SMYD3: variants seen among roughly 807,000 people sequenced by gnomAD.
SMYD3 encodes histone-lysine N-methyltransferase SMYD3.
SMYD3 carries 36 observed loss-of-function variants against 57.7 expected under a neutral mutation model. That is an observed-to-expected ratio of 0.62 (90% CI 0.48 to 0.82). SMYD3 has a LOEUF of 0.82. SMYD3 is among the 40% of genes least tolerant of loss of function. The pLI, the probability that SMYD3 is intolerant of heterozygous loss-of-function variation, is 0.00. For synonymous variants in SMYD3, 211 were observed against 195.0 expected, an observed-to-expected ratio of 1.08 and a Z score of -0.68; for missense variants, 515 against 538.8, an observed-to-expected ratio of 0.96 and a Z score of 0.44.
At chr1:246,292,541 G>A (rs2064716163) in intron 5 of SMYD3, among the ~76,000 whole-genome samples, 1 of 152,146 alleles carries the variant, frequency 6.6e-6, no homozygotes, top group Non-Finnish European at 1.5e-5. Flanking sequence ...TCACTGTCAA[G>A]TATTAAAGCA....
rs180912851 is a variant in SMYD3 at position 245,911,324 on chromosome 1, C to G, written c.813+4206G>C. On this transcript the variant is annotated intron_variant, in intron 8 of 11. Transcript: ENST00000490107. The stretch of plus-strand genomic sequence containing the variant: ...AGTAAGGAGGTTCCTCAAGAAACTA[C>G]AAACGCAACTACCATATAACCAAAC... 4.7e-3 allele frequency among the ~76,000 whole-genome samples: 718 copies of G among 152,068 alleles called. 6 individuals are homozygous for G. Among genetic ancestry groups the G allele is most frequent in the African/African-American group, 0.015 (638 of 41,514 alleles).
At chr1:246,488,566 G>C (rs2068222786) in intron 1 of SMYD3, among the ~76,000 whole-genome samples, 1 of 152,200 alleles carries the variant, frequency 6.6e-6, no homozygotes, top group African/African-American at 2.4e-5. Flanking sequence ...CATGCCTATA[G>C]TCTCAGGTAC....
intron 1 of SMYD3, among the ~76,000 whole-genome samples, chr1:246,442,964 A>T (rs78380050): frequency 0.087 from 13,279 of 152,194 alleles, 852 homozygotes; most frequent in East Asian, 0.29. Context: ...CTTCCCTTAC[A>T]GTGCACCAGG....
chr1:245,834,016 C>T (rs547168059), intron 10 of SMYD3, among the ~76,000 whole-genome samples: 2 of 152,350 alleles, frequency 1.3e-5, no homozygotes, highest in South Asian at 2.1e-4. Context: ...GGACATCCTG[C>T]AGTAACCTTA....
intron 8 of SMYD3, among the ~76,000 whole-genome samples, chr1:245,892,952 AG>A (rs1179583529): frequency 6.6e-6 from 1 of 152,236 alleles, no homozygotes; most frequent in Non-Finnish European, 1.5e-5. Context: ...CTGCAAACTG[AG>A]GAAAAAAACA....
At chr1:246,232,073 G>A (rs2063415898) in intron 5 of SMYD3, among the ~76,000 whole-genome samples, 1 of 152,138 alleles carries the variant, frequency 6.6e-6, no homozygotes. Flanking sequence ...AAAAGCCATA[G>A]TTTTTAATGC....
At chr1:246,278,110 C>A (rs1264319185) in intron 5 of SMYD3, among the ~76,000 whole-genome samples, 1 of 152,070 alleles carries the variant, frequency 6.6e-6, no homozygotes, top group Non-Finnish European at 1.5e-5. Context: ...CAGACCAAAC[C>A]AACAACTGGG....
intron 10 of SMYD3, among the ~76,000 whole-genome samples, chr1:245,766,976 GC>G (rs2046141096): frequency 6.6e-6 from 1 of 152,164 alleles, no homozygotes; most frequent in African/African-American, 2.4e-5. Context: ...CTGATTGCGG[GC>G]CTGGTTGGTT....
chr1:246,408,369 T>C (rs12076112), intron 1 of SMYD3, among the ~76,000 whole-genome samples: 5,393 of 152,292 alleles, frequency 0.035, 335 homozygotes, highest in African/African-American at 0.12. Context: ...TGCATGTGCA[T>C]GTGTGTTTCA....
intron 5 of SMYD3, among the ~76,000 whole-genome samples, chr1:245,945,396 C>A (rs1278057789): frequency 6.6e-6 from 1 of 152,112 alleles, no homozygotes. Flanking sequence ...CATCACTGAT[C>A]AGAGAAATGC....
intron 8 of SMYD3, among the ~76,000 whole-genome samples, chr1:245,908,773 T>C (rs10924381): frequency 0.99 from 151,544 of 152,314 alleles, 75,395 homozygotes; most frequent in Middle Eastern, 1. Flanking sequence ...CAAATGAAAA[T>C]GGACATACAA....
intron 5 of SMYD3, among the ~76,000 whole-genome samples, chr1:246,200,301 C>T (rs1558310896): frequency 1.3e-5 from 2 of 151,956 alleles, no homozygotes; most frequent in Non-Finnish European, 2.9e-5. Flanking sequence ...CAGACGCCCA[C>T]TGTAATAGAG....
At chr1:246,443,958 C>T (rs957250628) in intron 1 of SMYD3, among the ~76,000 whole-genome samples, 20 of 152,064 alleles carry the variant, frequency 1.3e-4, no homozygotes, top group African/African-American at 4.3e-4. Flanking sequence ...TATAAACCCT[C>T]CCTCACCACC....
At chr1:246,104,924 G>T (rs905840412) in intron 5 of SMYD3, among the ~76,000 whole-genome samples, 6 of 152,096 alleles carry the variant, frequency 3.9e-5, no homozygotes, top group Non-Finnish European at 2.9e-5. Context: ...TTTTTTATCA[G>T]GACTACAGCA....
At chr1:246,314,700 T>C (rs1269199491) in intron 5 of SMYD3, among the ~76,000 whole-genome samples, 1 of 152,210 alleles carries the variant, frequency 6.6e-6, no homozygotes, top group Non-Finnish European at 1.5e-5. Context: ...ACAGCAGTTC[T>C]GTTTATAACT....
intron 3 of SMYD3, among the ~76,000 whole-genome samples, chr1:246,331,948 C>G (rs1293962748): frequency 7.1e-6 from 1 of 140,128 alleles, no homozygotes; most frequent in African/African-American, 2.7e-5. Flanking sequence ...AAATGTTGTG[C>G]GTGTTCTCAC....
chr1:246,496,581 A>T (rs1171611545), intron 1 of SMYD3, among the ~76,000 whole-genome samples: 2 of 152,140 alleles, frequency 1.3e-5, no homozygotes, highest in African/African-American at 4.8e-5. Flanking sequence ...TAGTCCCAGC[A>T]CTTTGGGAGG....
At chr1:246,254,814 G>T (rs2063855335) in intron 5 of SMYD3, among the ~76,000 whole-genome samples, 1 of 152,146 alleles carries the variant, frequency 6.6e-6, no homozygotes, top group Admixed American at 6.5e-5. Context: ...TCTTTCAGCA[G>T]TGTTTTCTAA....
rs576814531 is a variant in SMYD3 at position 246,289,047 on chromosome 1, G to A, written c.531+38154C>T. ...GGAGAATCGCTTGAACCCAGGAGGC[G>A]GAGGTTGCAGTGAGCCAAGATTGCG... On this transcript the variant is annotated intron_variant, in intron 5 of 11. Coordinates refer to ENST00000490107, the MANE Select transcript of SMYD3 (RefSeq NM_001167740.2). Among the ~76,000 whole-genome samples, 15 of 152,218 alleles carry A rather than the reference G, an allele frequency of 9.9e-5. No homozygotes were observed. In the East Asian group the frequency reaches 1.2e-3, roughly 12 times the overall value.
Sources: gnomAD v4.1 joint callset for allele counts (sites outside exome capture counted in the v4.1 genomes callset) on GRCh38, gnomAD v4.1.1 for gene constraint, MANE v1.5 for transcripts, NCBI Gene and HGNC (gene_info 2026-07-23, HGNC 2026-07-21) for gene names.